The following KDM4D variants were observed in gnomAD, a reference collection of about 807,000 sequenced individuals.
KDM4D encodes lysine demethylase 4D.
For synonymous variants in KDM4D, 254 were observed against 249.1 expected (o/e 1.02, Z -0.19); for missense variants, 427 against 674.8 (o/e 0.63, Z 4.07).
At chr11:94,986,415 C>G (rs1269735507) in intron 2 of KDM4D, among the ~76,000 whole-genome samples, 1 of 151,986 alleles carries the variant, frequency 6.6e-6, no homozygotes, top group African/African-American at 2.4e-5. Context: ...CATAGTGAGA[C>G]CCTGTCTCTA....
chr11:94,974,233 A>C (rs897066552), intron 1 of KDM4D, among the ~76,000 whole-genome samples, 165 bp downstream of exon 1: 2 of 152,236 alleles, frequency 1.3e-5, no homozygotes, highest in Admixed American at 6.5e-5. Context: ...ACAAGATGTA[A>C]TTATTAAGAT....
intron 2 of KDM4D, among the ~76,000 whole-genome samples, chr11:94,982,818 G>C (rs1457956573): frequency 1.3e-5 from 2 of 151,854 alleles, no homozygotes; most frequent in Non-Finnish European, 2.9e-5. Context: ...TTATCTTTTT[G>C]ATGCAAATCT....
intron 2 of KDM4D, among the ~76,000 whole-genome samples, chr11:94,981,558 T>C (rs1175475758): frequency 1.3e-5 from 2 of 152,074 alleles, no homozygotes; most frequent in Non-Finnish European, 2.9e-5. Flanking sequence ...TTTATTCTTT[T>C]GTCAGTATCA....
chr11:94,992,658 A>G (rs1237717622), intron 2 of KDM4D, among the ~76,000 whole-genome samples: 4 of 152,128 alleles, frequency 2.6e-5, no homozygotes, highest in African/African-American at 9.7e-5. Context: ...TTTCATTTAT[A>G]AGTATCTAAT....
At chr11:94,977,017 A>G (rs1355954157) in intron 2 of KDM4D, among the ~76,000 whole-genome samples, 3 of 152,194 alleles carry the variant, frequency 2.0e-5, no homozygotes, top group African/African-American at 7.2e-5. Flanking sequence ...TGTAATGCCT[A>G]TAACATATAA....
At chr11:94,988,371 G>A (rs184912254) in intron 2 of KDM4D, among the ~76,000 whole-genome samples, 2 of 151,864 alleles carry the variant, frequency 1.3e-5, no homozygotes, top group Non-Finnish European at 2.9e-5. Context: ...TTTATTTTTC[G>A]GTAAACCTCC....
chr11:94,989,948 AG>A (rs1857921116), intron 2 of KDM4D, among the ~76,000 whole-genome samples: 1 of 151,884 alleles, frequency 6.6e-6, no homozygotes. Context: ...AAGTAGAGAC[AG>A]GGTTTCACCA....
rs1857989384 is a variant in KDM4D, at chr11:94,998,004, C to G, written c.632C>G (p.Thr211Ser). 1.2e-6 allele frequency: 2 copies of G among 1,614,114 alleles called. No homozygotes were observed. Among genetic ancestry groups the G allele is most frequent in the African/African-American group, 1.3e-5 (1 of 74,944 alleles). The change falls in exon 3 of 3, where the codon ACT becomes AGT. Residue 211 changes from threonine (T) to serine (S), a missense_variant. By Grantham distance (58) the Thr-to-Ser change is moderately conservative. Coordinates refer to ENST00000335080, the MANE Select transcript of KDM4D (RefSeq NM_018039.3). The surrounding 1 kb of genome is among the most constrained non-coding windows in gnomAD (Gnocchi z 6.7). ...INYLHLGEPK[T>S]WYVVPPEHGQ... ...TACCTGCACCTTGGGGAGCCCAAAA[C>G]TTGGTATGTGGTGCCCCCAGAACAT...
intron 2 of KDM4D, among the ~76,000 whole-genome samples, chr11:94,979,487 TC>T (rs1857826295): frequency 6.6e-6 from 1 of 152,222 alleles, no homozygotes; most frequent in East Asian, 1.9e-4. Flanking sequence ...GCCTCGGCCT[TC>T]CAAAGTGCTG....
chr11:94,998,699 A>G lies in KDM4D; in HGVS notation c.1327A>G (p.Ile443Val). 1 of 1,614,186 alleles carries G rather than the reference A, an allele frequency of 6.2e-7. No individual in the cohort carries two copies. The highest frequency in any genetic ancestry group is 1.6e-4 in the Middle Eastern group (1 of 6,062). The change falls in exon 3 of 3, where the codon ATT becomes GTT. Residue 443 changes from isoleucine (I) to valine (V), a missense_variant. Coordinates refer to ENST00000335080, the MANE Select transcript of KDM4D (RefSeq NM_018039.3). This position sits in a 1 kb window ranked among gnomAD's most constrained non-coding sequence, Gnocchi z 6.7. ...ATCCACCCCTGGTCCATCTGCACAGATTATCCACCCGTCAAATGGCAGACG... is the reference window on the plus strand; with the variant it reads ...ATCCACCCCTGGTCCATCTGCACAGGTTATCCACCCGTCAAATGGCAGACG... ...PSSTPGPSAQ[I>V]IHPSNGRRGR... is the part of the protein sequence containing the mutation.
intron 2 of KDM4D, among the ~76,000 whole-genome samples, chr11:94,983,373 T>C (rs192311813): frequency 3.1e-4 from 47 of 151,892 alleles, no homozygotes; most frequent in Admixed American, 5.2e-4. Flanking sequence ...CAAGAAAATA[T>C]GATCTTTTTG....
chr11:94,994,793 A>G (rs1356691546), intron 2 of KDM4D, among the ~76,000 whole-genome samples: 1 of 151,072 alleles, frequency 6.6e-6, no homozygotes, highest in Non-Finnish European at 1.5e-5. Context: ...TGGGTGGGAG[A>G]GAGAGAGAGA....
Position 94,997,560 on chromosome 11 carries a change from A to G in KDM4D, c.188A>G (p.Tyr63Cys), listed in dbSNP as rs782767174. 3.1e-6 allele frequency: 5 copies of G among 1,614,110 alleles called. No homozygotes were observed. Among genetic ancestry groups the G allele is most frequent in the East Asian group, 2.2e-5 (1 of 44,882 alleles). Residue 63 changes from tyrosine to cysteine, a missense_variant, in exon 3 of 3, where the codon TAT becomes TGT. Transcript: ENST00000335080. ...AAAGAATGGAAAGCCAGAGAGACCT[A>G]TGATAATATCAGTGAAATCTTAATA... ...PPKEWKARET[Y>C]DNISEILIAT... is the part of the protein sequence containing the mutation.
chr11:94,974,949 T>C (rs1857783864), intron 1 of KDM4D, among the ~76,000 whole-genome samples: 1 of 152,212 alleles, frequency 6.6e-6, no homozygotes, highest in African/African-American at 2.4e-5. Flanking sequence ...CTGTGTACAA[T>C]TTCACTGCAC....
intron 2 of KDM4D, among the ~76,000 whole-genome samples, chr11:94,993,725 G>C (rs1431696842): frequency 6.6e-6 from 1 of 152,060 alleles, no homozygotes; most frequent in East Asian, 1.9e-4. Flanking sequence ...AAAATATATA[G>C]GTTTGTGTGA....
intron 2 of KDM4D, among the ~76,000 whole-genome samples, chr11:94,995,663 A>T (rs1307297233): frequency 2.0e-5 from 3 of 152,220 alleles, no homozygotes; most frequent in South Asian, 4.1e-4. Context: ...CCCCTAGTTT[A>T]AAAAATCTGT....
chr11:94,977,785 G>A (rs1160805354), intron 2 of KDM4D, among the ~76,000 whole-genome samples: 1 of 152,022 alleles, frequency 6.6e-6, no homozygotes, highest in Non-Finnish European at 1.5e-5. Flanking sequence ...TAAAAGGGCA[G>A]AGATCTTTGT....
intron 2 of KDM4D, among the ~76,000 whole-genome samples, chr11:94,993,124 C>G (rs990766269): frequency 2.6e-5 from 4 of 152,098 alleles, no homozygotes; most frequent in East Asian, 1.9e-4. Context: ...TTAACACCCC[C>G]CAACACACAC....
At chr11:94,979,461 C>G (rs1258539942) in intron 2 of KDM4D, among the ~76,000 whole-genome samples, 2 of 152,142 alleles carry the variant, frequency 1.3e-5, no homozygotes, top group African/African-American at 4.8e-5. Flanking sequence ...AACTCCTGAC[C>G]TCAAGTGATA....
Sources: gnomAD v4.1 joint callset for allele counts (sites outside exome capture counted in the v4.1 genomes callset) on GRCh38, gnomAD v4.1.1 for gene constraint, Gnocchi (gnomAD v3.1) non-coding constraint, MANE v1.5 for transcripts, NCBI Gene and HGNC (gene_info 2026-07-23, HGNC 2026-07-21) for gene names.